Variants in LRP1B observed in about 807,000 individuals in gnomAD.
The protein encoded by LRP1B is low-density lipoprotein receptor-related protein 1B.
A neutral mutation model predicts 556.6 loss-of-function variants in LRP1B; 217 were observed. The observed-to-expected ratio is 0.39, with a 90% confidence interval of 0.35 to 0.44. The LOEUF is 0.44. LRP1B is among the 20% of genes least tolerant of loss of function. The pLI is 1.00. For missense variants in LRP1B, 5,053 were observed against 5,620.8 expected (o/e 0.90, Z 3.23); for synonymous variants, 2,047 against 1,865.8 (o/e 1.10, Z -2.50).
chr2:141,491,204 G>A (rs1019202167), intron 2 of LRP1B, among the ~76,000 whole-genome samples: 1 of 152,028 alleles, frequency 6.6e-6, no homozygotes, highest in Non-Finnish European at 1.5e-5. Flanking sequence ...CTTTTTAAGT[G>A]AATAAACACA....
intron 2 of LRP1B, among the ~76,000 whole-genome samples, chr2:141,568,559 T>C (rs1686417008): frequency 6.6e-6 from 1 of 151,210 alleles, no homozygotes; most frequent in African/African-American, 2.4e-5. Flanking sequence ...GGATTCAACA[T>C]TGCTAACAAA....
intron 7 of LRP1B, among the ~76,000 whole-genome samples, chr2:141,148,982 G>A (rs12477175): frequency 0.34 from 51,469 of 151,810 alleles, 10,308 homozygotes; most frequent in Non-Finnish European, 0.46. Context: ...CCAGCTACTC[G>A]GGAGGCTGAG....
At chr2:141,224,239 G>C (rs1203587548) in intron 6 of LRP1B, among the ~76,000 whole-genome samples, 1 of 152,022 alleles carries the variant, frequency 6.6e-6, no homozygotes, top group Non-Finnish European at 1.5e-5. Context: ...GCAAACATGT[G>C]GAAAATAGCT....
chr2:141,056,694 C>A (rs1202139733), intron 9 of LRP1B, among the ~76,000 whole-genome samples: 1 of 151,842 alleles, frequency 6.6e-6, no homozygotes, highest in Non-Finnish European at 1.5e-5. Context: ...ATGCTTATTT[C>A]TCCATTTGTG....
At chr2:140,512,385 C>T (rs1415616111) in intron 51 of LRP1B, among the ~76,000 whole-genome samples, 1 of 152,080 alleles carries the variant, frequency 6.6e-6, no homozygotes, top group Non-Finnish European at 1.5e-5. Context: ...TTCATAGTTG[C>T]CACTGCCATC....
At chr2:141,232,861 G>A (rs1683522315) in intron 5 of LRP1B, among the ~76,000 whole-genome samples, 1 of 152,114 alleles carries the variant, frequency 6.6e-6, no homozygotes, top group Admixed American at 6.6e-5. Flanking sequence ...CAAATATGGA[G>A]GAAGGAAGCC....
At chr2:141,087,480 C>T (rs1022305380) in intron 7 of LRP1B, among the ~76,000 whole-genome samples, 1 of 152,184 alleles carries the variant, frequency 6.6e-6, no homozygotes, top group African/African-American at 2.4e-5. Flanking sequence ...GGCATATTCA[C>T]CTACTTCAGG....
chr2:141,046,538 G>A (rs1488700839), intron 11 of LRP1B, among the ~76,000 whole-genome samples: 4 of 152,044 alleles, frequency 2.6e-5, no homozygotes, highest in Non-Finnish European at 5.9e-5. Context: ...TATATTTCAG[G>A]TGTGAAAATT....
intron 41 of LRP1B, among the ~76,000 whole-genome samples, chr2:140,621,329 G>A (rs2105251528): frequency 6.9e-6 from 1 of 145,540 alleles, no homozygotes; most frequent in Admixed American, 7.0e-5. Flanking sequence ...AGGTTGCGGT[G>A]AGCTGAGATA....
intron 2 of LRP1B, among the ~76,000 whole-genome samples, chr2:141,756,082 G>C (rs978022642): frequency 8.5e-5 from 13 of 152,116 alleles, no homozygotes; most frequent in African/African-American, 2.9e-4. Flanking sequence ...ATAGCTATTA[G>C]TCAACAAAAC....
In LRP1B at chr2:141,598,940, G is replaced by A. The variant is rs190647173; in HGVS notation, c.206-118407C>T. On this transcript the variant is annotated intron_variant, in intron 2 of 90. Transcript: ENST00000389484. ...TGATCAGACAACATCAAATATGATA[G>A]CCACACCAGAAATAGCCCTTCTGAC... is the stretch of plus-strand genomic sequence containing the variant. Among the ~76,000 whole-genome samples, 51 of 151,502 alleles carry A rather than the reference G, an allele frequency of 3.4e-4. No individual in the cohort carries two copies. In the East Asian group the frequency reaches 8.2e-3, roughly 24 times the overall value.
intron 1 of LRP1B, among the ~76,000 whole-genome samples, chr2:141,960,026 GAC>G (rs1197895908): frequency 6.6e-6 from 1 of 151,906 alleles, no homozygotes; most frequent in Non-Finnish European, 1.5e-5. Context: ...TATGTATACA[GAC>G]ACATGCATAA....
chr2:140,758,090 A>G (rs1054420375), intron 35 of LRP1B, among the ~76,000 whole-genome samples: 1 of 152,186 alleles, frequency 6.6e-6, no homozygotes, highest in African/African-American at 2.4e-5. Flanking sequence ...GTTAGTTAAA[A>G]TAAAGAAAAT....
chr2:141,131,689 G>C (rs1386062505), intron 7 of LRP1B, among the ~76,000 whole-genome samples: 1 of 151,674 alleles, frequency 6.6e-6, no homozygotes, highest in Non-Finnish European at 1.5e-5. Flanking sequence ...AAAAGAGACA[G>C]ATTTACATAT....
intron 2 of LRP1B, among the ~76,000 whole-genome samples, chr2:141,626,028 A>G (rs1688691094): frequency 6.6e-6 from 1 of 152,128 alleles, no homozygotes; most frequent in African/African-American, 2.4e-5. Context: ...GAAAATCTGT[A>G]CCCAGTCCCT....
intron 3 of LRP1B, among the ~76,000 whole-genome samples, chr2:141,360,811 T>C (rs16845927): frequency 0.013 from 1,972 of 152,306 alleles, 43 homozygotes; most frequent in African/African-American, 0.044. Flanking sequence ...GCTAGGATAA[T>C]TATTGAAAGA....
intron 7 of LRP1B, among the ~76,000 whole-genome samples, chr2:141,142,783 T>C (rs547330526): frequency 1.3e-5 from 2 of 152,160 alleles, no homozygotes; most frequent in East Asian, 1.9e-4. Context: ...TACTTATAAA[T>C]AAACTGTTGA....
At chr2:141,485,022 G>C (rs1260571126) in intron 2 of LRP1B, among the ~76,000 whole-genome samples, 1 of 152,118 alleles carries the variant, frequency 6.6e-6, no homozygotes, top group East Asian at 1.9e-4. Context: ...GTGGCCAGAA[G>C]AGAGGCTCAG....
chr2:141,048,660 A>T (rs993831875), intron 11 of LRP1B, among the ~76,000 whole-genome samples: 59 of 152,210 alleles, frequency 3.9e-4, no homozygotes, highest in African/African-American at 1.4e-3. Flanking sequence ...AAATCCTATT[A>T]AATTTCATCT....
Sources: gnomAD v4.1 joint callset for allele counts (sites outside exome capture counted in the v4.1 genomes callset) on GRCh38, gnomAD v4.1.1 for gene constraint, MANE v1.5 for transcripts, NCBI Gene and HGNC (gene_info 2026-07-23, HGNC 2026-07-21) for gene names.